Variants in SLC12A8 observed in about 807,000 individuals in gnomAD.
The protein encoded by SLC12A8 is solute carrier family 12 member 8.
SLC12A8 carries 69 observed loss-of-function variants against 75.6 expected under a neutral mutation model. The observed-to-expected ratio is 0.91, with a 90% confidence interval of 0.75 to 1.11. The LOEUF (loss-of-function observed/expected upper bound fraction) is 1.11, where lower values mean the gene tolerates loss of function less well. Among genes scored for constraint, SLC12A8 ranks in the 50% most tolerant of loss-of-function variants. The probability of loss-of-function intolerance (pLI) is 0.00; values close to 1 mark genes in which losing one functional copy is unlikely to be tolerated. For synonymous variants in SLC12A8, 365 were observed against 372.8 expected, an observed-to-expected ratio of 0.98 and a Z score of 0.24; for missense variants, 877 against 896.7, an observed-to-expected ratio of 0.98 and a Z score of 0.28.
At chr3:125,184,118 G>T (rs1011394732) in intron 4 of SLC12A8, among the ~76,000 whole-genome samples, 1 of 151,794 alleles carries the variant, frequency 6.6e-6, no homozygotes, top group East Asian at 1.9e-4. Flanking sequence ...GATTACAGAC[G>T]TGCGCCACCA....
At chr3:125,173,664 A>G (rs757811041) in intron 5 of SLC12A8, among the ~76,000 whole-genome samples, 56 of 152,214 alleles carry the variant, frequency 3.7e-4, no homozygotes, top group Non-Finnish European at 6.6e-4. Flanking sequence ...AGACTCCATT[A>G]CAGTTTAAAA....
chr3:125,176,505 A>G (rs566271942), intron 5 of SLC12A8, among the ~76,000 whole-genome samples: 1 of 152,400 alleles, frequency 6.6e-6, no homozygotes, highest in African/African-American at 2.4e-5. Context: ...GCTTCTGCAC[A>G]GCAAAAGAAA....
At chr3:125,099,374 T>C (rs1464884077) in intron 10 of SLC12A8, among the ~76,000 whole-genome samples, 1 of 152,114 alleles carries the variant, frequency 6.6e-6, no homozygotes, top group Non-Finnish European at 1.5e-5. Context: ...CTACAATACA[T>C]TATTTAAATT....
chr3:125,147,556 C>T (rs1446421519), intron 5 of SLC12A8, among the ~76,000 whole-genome samples: 1 of 152,218 alleles, frequency 6.6e-6, no homozygotes, highest in African/African-American at 2.4e-5. Context: ...CAAGTTCCCT[C>T]CTCCCTCCGG....
chr3:125,139,676 C>T (rs1218139021), intron 5 of SLC12A8, among the ~76,000 whole-genome samples: 1 of 152,162 alleles, frequency 6.6e-6, no homozygotes, highest in Non-Finnish European at 1.5e-5. Context: ...AGGGGAGGCA[C>T]TCATGTCTCT....
At chr3:125,111,703 C>A (rs964462536) in intron 8 of SLC12A8, among the ~76,000 whole-genome samples, 8 of 152,318 alleles carry the variant, frequency 5.3e-5, no homozygotes, top group Admixed American at 3.9e-4. Flanking sequence ...ACATTGAACA[C>A]AAGCCACTGG....
intron 8 of SLC12A8, among the ~76,000 whole-genome samples, chr3:125,115,445 C>T (rs6438880): frequency 0.019 from 2,956 of 152,094 alleles, 41 homozygotes; most frequent in Non-Finnish European, 0.029. Flanking sequence ...ATCACTTGAA[C>T]CTGGGAGGTG....
At chr3:125,096,188 G>T (rs564963776) in intron 10 of SLC12A8, among the ~76,000 whole-genome samples, 1 of 152,200 alleles carries the variant, frequency 6.6e-6, no homozygotes, top group Admixed American at 6.5e-5. Flanking sequence ...CTACTTCTCT[G>T]CATGGCTCAC....
At position 125,186,487 on chromosome 3, in the gene SLC12A8, C is replaced by A. The variant is rs978409456; in HGVS notation, c.390+750G>T. On this transcript the variant is annotated intron_variant, in intron 4 of 13. Coordinates refer to ENST00000469902, the MANE Select transcript of SLC12A8 (RefSeq NM_024628.6). ...TTGCACACTCTAACTTAGACAAATT[C>A]TTCTCTTTAAACTGTTTTTTCAACC... is the stretch of plus-strand genomic sequence containing the variant. Among the ~76,000 whole-genome samples, 3 of 152,188 alleles carry A rather than the reference C, an allele frequency of 2.0e-5. No individual in the cohort carries two copies. In the South Asian group the frequency reaches 6.2e-4, roughly 32 times the overall value.
chr3:125,114,114 T>C (rs900915192), intron 8 of SLC12A8, among the ~76,000 whole-genome samples: 4 of 152,208 alleles, frequency 2.6e-5, no homozygotes, highest in African/African-American at 9.6e-5. Flanking sequence ...CTCCATGAAT[T>C]GATCAACATC....
At chr3:125,107,455 C>G (rs1560053235) in intron 10 of SLC12A8, 26 bp downstream of exon 10, 1 of 1,579,192 alleles carries the variant, frequency 6.3e-7, no homozygotes, top group Admixed American at 1.7e-5. Context: ...AAATAAGAGG[C>G]CCCAGTGTGA....
At chr3:125,107,258 T>C (rs1001927758) in intron 10 of SLC12A8, among the ~76,000 whole-genome samples, 1 of 152,228 alleles carries the variant, frequency 6.6e-6, no homozygotes, top group African/African-American at 2.4e-5. Context: ...AGGTCTAACA[T>C]ACAGGAGTAG....
At chr3:125,205,437 C>A (rs1192615077) in intron 2 of SLC12A8, among the ~76,000 whole-genome samples, 4 of 151,892 alleles carry the variant, frequency 2.6e-5, no homozygotes, top group Non-Finnish European at 5.9e-5. Context: ...ACACTTTTAT[C>A]CAGAAAATGT....
chr3:125,159,784 T>G (rs1285949392), intron 5 of SLC12A8, among the ~76,000 whole-genome samples: 2 of 152,232 alleles, frequency 1.3e-5, no homozygotes, highest in Non-Finnish European at 2.9e-5. Flanking sequence ...AAGCACTCCC[T>G]CTGGTCATCT....
intron 10 of SLC12A8, among the ~76,000 whole-genome samples, chr3:125,101,319 A>T (rs534445714): frequency 6.6e-6 from 1 of 152,238 alleles, no homozygotes; most frequent in African/African-American, 2.4e-5. Context: ...GGCACATAGG[A>T]TGTGCTCAGT....
chr3:125,094,382 G>GATAGAACAAATTTAC (rs1296500666), intron 10 of SLC12A8, among the ~76,000 whole-genome samples: 17 of 152,174 alleles, frequency 1.1e-4, no homozygotes, highest in Admixed American at 6.5e-4. Context: ...CCTACTCTCT[G>GATAGAACAAATTTAC]ATAGAACAAA....
At chr3:125,181,398 G>C (rs57180082) in intron 4 of SLC12A8, among the ~76,000 whole-genome samples, 19,835 of 149,542 alleles carry the variant, frequency 0.13, 1,633 homozygotes, top group Non-Finnish European at 0.18. Context: ...TCAGGAGATC[G>C]AGACCATCCT....
At chr3:125,105,031 C>A (rs1938989373) in intron 10 of SLC12A8, among the ~76,000 whole-genome samples, 1 of 151,926 alleles carries the variant, frequency 6.6e-6, no homozygotes, top group African/African-American at 2.4e-5. Context: ...ATTTTGTTAT[C>A]CTCAGTCAAA....
intron 3 of SLC12A8, among the ~76,000 whole-genome samples, chr3:125,189,996 G>A (rs1200314826): frequency 6.6e-6 from 1 of 152,142 alleles, no homozygotes; most frequent in Non-Finnish European, 1.5e-5. Flanking sequence ...GGTGGGGGAA[G>A]GCAACCATGT....
Sources: gnomAD v4.1 joint callset for allele counts (sites outside exome capture counted in the v4.1 genomes callset) on GRCh38, gnomAD v4.1.1 for gene constraint, MANE v1.5 for transcripts, NCBI Gene and HGNC (gene_info 2026-07-23, HGNC 2026-07-21) for gene names.